NHS: variants seen among roughly 807,000 people sequenced by gnomAD.
The protein encoded by NHS is actin remodeling regulator NHS.
Under a neutral mutation model 72.5 loss-of-function variants are expected in NHS, and 5 were observed. The ratio of observed to expected loss-of-function variants is 0.07; its 90% CI spans 0.04 to 0.14. The LOEUF (loss-of-function observed/expected upper bound fraction) is 0.14, where lower values mean the gene tolerates loss of function less well. Among genes scored for constraint, NHS ranks in the 10% least tolerant of loss-of-function variants. The probability of loss-of-function intolerance (pLI) is 1.00; values close to 1 mark genes in which losing one functional copy is unlikely to be tolerated. For missense variants in NHS, 1,072 were observed against 1,355.7 expected, an observed-to-expected ratio of 0.79 and a Z score of 3.29; for synonymous variants, 464 against 547.7, an observed-to-expected ratio of 0.85 and a Z score of 2.13.
At chrX:17,601,400 C>T (rs1255864702) in intron 1 of NHS, among the ~76,000 whole-genome samples, 1 of 111,608 alleles carries the variant, frequency 9.0e-6, no homozygotes, top group Non-Finnish European at 1.9e-5. Context: ...TTGTCAATAA[C>T]AGGCCAGAAA....
intron 1 of NHS, among the ~76,000 whole-genome samples, chrX:17,428,137 G>T (rs2064666710): frequency 8.9e-6 from 1 of 112,096 alleles, no homozygotes; most frequent in Non-Finnish European, 1.9e-5. Flanking sequence ...ATTAGATCAG[G>T]GTACGTGACC....
At chrX:17,441,825 G>A (rs771595170) in intron 1 of NHS, among the ~76,000 whole-genome samples, 51 of 112,070 alleles carry the variant, frequency 4.6e-4, no homozygotes, top group African/African-American at 1.2e-3. Context: ...AGTGAATGGC[G>A]CAGAGATCAG....
intron 1 of NHS, among the ~76,000 whole-genome samples, chrX:17,416,030 C>T (rs142798917): frequency 4.5e-3 from 503 of 111,282 alleles, no homozygotes; most frequent in African/African-American, 0.016. Context: ...ACTTTTTCCT[C>T]GGTTCACTCA....
intron 1 of NHS, among the ~76,000 whole-genome samples, chrX:17,666,965 G>A (rs1264553267): frequency 8.9e-6 from 1 of 112,153 alleles, no homozygotes; most frequent in Non-Finnish European, 1.9e-5. Context: ...AGAAAGCTGG[G>A]AAATATGGAT....
rs151065578 is a variant in NHS, at chrX:17,551,819, C to T, written c.566-135923C>T. 5.4e-3 allele frequency among the ~76,000 whole-genome samples: 603 copies of T among 111,885 alleles called. 5 individuals carry two copies. The highest frequency in any genetic ancestry group is 0.019 in the African/African-American group (583 of 30,771). ...TCCCTGCAGTAGACTGGGCCTGCCA[C>T]ACTGCAGCTGTGGGAGGAGGAGACC... On this transcript the variant is annotated intron_variant, in intron 1 of 8. Transcript: ENST00000676302.
intron 1 of NHS, among the ~76,000 whole-genome samples, chrX:17,468,539 T>A (rs970358501): frequency 3.6e-5 from 4 of 110,610 alleles, no homozygotes; most frequent in African/African-American, 6.6e-5. Context: ...TTCATTTTTT[T>A]AAATGTTTAT....
At chrX:17,525,798 G>A (rs377708594) in intron 1 of NHS, among the ~76,000 whole-genome samples, 1 of 110,415 alleles carries the variant, frequency 9.1e-6, no homozygotes, top group East Asian at 2.8e-4. Context: ...GACTAATGGG[G>A]GATGTTTGGG....
chrX:17,656,074 G>A (rs2065953136), intron 1 of NHS, among the ~76,000 whole-genome samples: 1 of 113,403 alleles, frequency 8.8e-6, no homozygotes. Flanking sequence ...CGGGGAGAGG[G>A]AGAAGAGGCA....
intron 1 of NHS, among the ~76,000 whole-genome samples, chrX:17,465,999 G>A (rs1387026976): frequency 2.6e-5 from 3 of 113,335 alleles, no homozygotes; most frequent in South Asian, 7.1e-4. Flanking sequence ...GACACTGGGT[G>A]TGTAAGCATG....
At position 17,721,667 on chromosome X, in the gene NHS, G is replaced by A. The variant is rs946219658; in HGVS notation, c.1108+34G>A. The A allele has an allele frequency of 6.4e-5, 72 of 1,129,097 alleles. No individual in the cohort carries two copies. The East Asian group carries it at 2.2e-3, about 34-fold the overall frequency. 93.1% of individuals were successfully genotyped at this position (1,129,097 alleles called of 1,213,427 possible). On this transcript the variant is annotated intron_variant, in intron 5 of 8. Transcript: ENST00000676302. Reference sequence around the variant, plus strand: ...CTGGTTTTTTCTTAGGGGCAGTCGGGTCAGAATATTCTGTGTATTAAATAT... The same window carrying A: ...CTGGTTTTTTCTTAGGGGCAGTCGGATCAGAATATTCTGTGTATTAAATAT...
chrX:17,709,315 T>A (rs1452362910), intron 3 of NHS, among the ~76,000 whole-genome samples: 1 of 111,858 alleles, frequency 8.9e-6, no homozygotes, highest in Non-Finnish European at 1.9e-5. Context: ...AGCAGTTTGC[T>A]TTTGAGATCA....
intron 1 of NHS, among the ~76,000 whole-genome samples, chrX:17,538,770 G>C (rs111920773): frequency 8.9e-6 from 1 of 112,035 alleles, no homozygotes; most frequent in Non-Finnish European, 1.9e-5. Flanking sequence ...ATTTCTCTGG[G>C]TGCCCAATGT....
intron 3 of NHS, among the ~76,000 whole-genome samples, chrX:17,704,065 A>G (rs2066281529): frequency 9.1e-6 from 1 of 110,257 alleles, no homozygotes; most frequent in Non-Finnish European, 1.9e-5. Context: ...AGAGAGAGAG[A>G]ATGACCTGGG....
intron 1 of NHS, among the ~76,000 whole-genome samples, chrX:17,544,983 A>C (rs916610648): frequency 8.9e-6 from 1 of 112,716 alleles, no homozygotes; most frequent in Non-Finnish European, 1.9e-5. Flanking sequence ...AGATTTACCT[A>C]TGTGAGGCCC....
chrX:17,626,656 G>A (rs902619715), intron 1 of NHS, among the ~76,000 whole-genome samples: 7 of 111,723 alleles, frequency 6.3e-5, no homozygotes, highest in South Asian at 3.8e-4. Context: ...TTTTCTTGCC[G>A]TTTGTCTCCT....
intron 1 of NHS, among the ~76,000 whole-genome samples, chrX:17,419,386 T>G (rs2064612578): frequency 1.8e-5 from 2 of 112,390 alleles, no homozygotes; most frequent in Admixed American, 9.4e-5. Context: ...TTTCTCAGAA[T>G]AGGAACATTT....
At chrX:17,444,812 G>C (rs368287643) in intron 1 of NHS, among the ~76,000 whole-genome samples, 2 of 110,792 alleles carry the variant, frequency 1.8e-5, no homozygotes, top group East Asian at 5.7e-4. Context: ...AGTTTCTTTG[G>C]CCCAATATGT....
intron 1 of NHS, among the ~76,000 whole-genome samples, chrX:17,516,478 AC>A (rs1245361127): frequency 5.5e-5 from 6 of 110,000 alleles, no homozygotes; most frequent in African/African-American, 2.0e-4. Context: ...CTGCAAATGG[AC>A]CCAAGCATTT....
At chrX:17,639,290 T>C (rs763730983) in intron 1 of NHS, among the ~76,000 whole-genome samples, 1 of 112,294 alleles carries the variant, frequency 8.9e-6, no homozygotes, top group Non-Finnish European at 1.9e-5. Context: ...CAAACATGAC[T>C]AAGTCACAGT....
Sources: allele counts gnomAD v4.1 joint callset (sites outside exome capture counted in the v4.1 genomes callset), GRCh38; gene constraint gnomAD v4.1.1; transcripts MANE v1.5; gene names NCBI Gene and HGNC (gene_info 2026-07-23, HGNC 2026-07-21).